Variants in RAB30 observed in about 807,000 individuals in gnomAD.
RAB30 encodes the protein RAB30, member RAS oncogene family, also known as ras-related protein Rab-30.
In RAB30, 9 loss-of-function variants were observed where a neutral mutation model predicts 25.1. The ratio of observed to expected loss-of-function variants is 0.36; its 90% CI spans 0.22 to 0.63. The LOEUF (loss-of-function observed/expected upper bound fraction) is 0.63, where lower values mean the gene tolerates loss of function less well. Among genes scored for constraint, RAB30 ranks in the 20% least tolerant of loss-of-function variants. The pLI, the probability that RAB30 is intolerant of heterozygous loss-of-function variation, is 0.69. For missense variants in RAB30, 140 were observed against 243.5 expected (o/e 0.58, Z 2.83); for synonymous variants, 77 against 86.4 (o/e 0.89, Z 0.60).
intron 1 of RAB30, among the ~76,000 whole-genome samples, chr11:83,062,346 C>T (rs565216220): frequency 1.3e-5 from 2 of 152,252 alleles, no homozygotes; most frequent in East Asian, 3.9e-4. Context: ...TTATTGAAGA[C>T]TCTCATTAAA....
In RAB30 at chr11:83,020,286, C is replaced by T. The variant is rs559566263; in HGVS notation, c.-8-22962G>A. Among the ~76,000 whole-genome samples, 6 of 152,378 alleles carry T rather than the reference C, an allele frequency of 3.9e-5. No homozygotes were observed. The South Asian group carries it at 1.2e-3, about 32-fold the overall frequency. On this transcript the variant is annotated intron_variant, in intron 1 of 4. Coordinates refer to ENST00000527633, the MANE Select transcript of RAB30 (RefSeq NM_001286060.2). Reference sequence around the variant, plus strand: ...AGAGGTGCCTGCTCCCACTGCCTGGCCTCTCCCCCACTCCTTATGCCTGCT... The same window carrying T: ...AGAGGTGCCTGCTCCCACTGCCTGGTCTCTCCCCCACTCCTTATGCCTGCT...
chr11:83,047,644 G>A (rs1335480664), intron 1 of RAB30, among the ~76,000 whole-genome samples: 1 of 152,112 alleles, frequency 6.6e-6, no homozygotes, highest in Non-Finnish European at 1.5e-5. Flanking sequence ...CTCGACTCTT[G>A]ACCACACATA....
At chr11:83,063,717 A>G (rs1038509346) in intron 1 of RAB30, among the ~76,000 whole-genome samples, 2 of 152,198 alleles carry the variant, frequency 1.3e-5, no homozygotes, top group African/African-American at 4.8e-5. Flanking sequence ...AGCCCTCTCA[A>G]CATTGCTGAC....
At chr11:83,037,820 G>T (rs986767081) in intron 1 of RAB30, among the ~76,000 whole-genome samples, 2 of 152,178 alleles carry the variant, frequency 1.3e-5, no homozygotes, top group Non-Finnish European at 2.9e-5. Flanking sequence ...TAAAGTGTTT[G>T]GGGGTTATGA....
chr11:83,017,420 G>A (rs11233418), intron 1 of RAB30, among the ~76,000 whole-genome samples: 41,071 of 151,942 alleles, frequency 0.27, 5,979 homozygotes, highest in Admixed American at 0.31. Flanking sequence ...GGGAACAGGT[G>A]GTTTTTTGTT....
At chr11:83,007,887 TA>T (rs548327955) in intron 1 of RAB30, among the ~76,000 whole-genome samples, 3,131 of 152,290 alleles carry the variant, frequency 0.021, 44 homozygotes, top group Non-Finnish European at 0.03. Context: ...TAAACTGCCC[TA>T]AAAAAGGCAC....
rs77678602 is a variant in RAB30 at position 83,065,754 on chromosome 11, G to A, written c.-9+5937C>T. Reference sequence around the variant, plus strand: ...AAATAATGTTAAAAACAGCTACCATGAGCACCAGCTATACCAAGCATAGTG... The same window carrying A: ...AAATAATGTTAAAAACAGCTACCATAAGCACCAGCTATACCAAGCATAGTG... On this transcript the variant is annotated intron_variant, in intron 1 of 4. Coordinates refer to ENST00000527633, the MANE Select transcript of RAB30 (RefSeq NM_001286060.2). Among the ~76,000 whole-genome samples, 757 of 152,284 alleles carry A rather than the reference G, an allele frequency of 5.0e-3. 2 individuals carry two copies. The highest frequency in any genetic ancestry group is 9.0e-3 in the Non-Finnish European group (612 of 68,026).
chr11:83,002,603 TAAGCA>T (rs1164745804), intron 1 of RAB30, among the ~76,000 whole-genome samples: 1 of 152,186 alleles, frequency 6.6e-6, no homozygotes, highest in Non-Finnish European at 1.5e-5. Context: ...AAAACCACTG[TAAGCA>T]ATGTGAATTT....
In RAB30 at chr11:82,981,629, C is replaced by G. The variant is rs1432262701; in HGVS notation, c.*536G>C. ...AAGGTTTCATTTCATTTTTACATCC[C>G]AAAGTTCTTGAAAGTGCCTGTGGAC... On this transcript the variant is annotated 3_prime_UTR_variant, in exon 5 of 5. Coordinates refer to ENST00000527633, the MANE Select transcript of RAB30 (RefSeq NM_001286060.2). 1 of 153,038 alleles carries G rather than the reference C, an allele frequency of 6.5e-6. No homozygotes were observed. Among genetic ancestry groups the G allele is most frequent in the African/African-American group, 2.4e-5 (1 of 41,414 alleles). 9.5% of individuals were successfully genotyped at this position (153,038 alleles called of 1,614,324 possible). A position where few individuals can be genotyped will look rare whatever the true frequency, so the allele number is the denominator to read the frequency against.
intron 1 of RAB30, among the ~76,000 whole-genome samples, chr11:83,016,706 T>C (rs1023788517): frequency 5.3e-5 from 8 of 152,188 alleles, no homozygotes; most frequent in African/African-American, 1.9e-4. Flanking sequence ...CCGTAATATA[T>C]ACAACAGCAT....
intron 1 of RAB30, 142 bp downstream of exon 1, chr11:83,071,548 GC>G (rs1858847994): frequency 7.2e-6 from 1 of 139,484 alleles, no homozygotes; most frequent in South Asian, 2.2e-4. Context: ...ATGGCACAGA[GC>G]TTTTCCCCTT....
chr11:82,983,609 T>A (rs1335807487), intron 4 of RAB30, among the ~76,000 whole-genome samples: 1 of 151,964 alleles, frequency 6.6e-6, no homozygotes, highest in Non-Finnish European at 1.5e-5. Flanking sequence ...TTTTTTTTTT[T>A]TATTTTTTGC....
chr11:83,059,673 A>G (rs758287145), intron 1 of RAB30, among the ~76,000 whole-genome samples: 25 of 152,210 alleles, frequency 1.6e-4, no homozygotes, highest in Admixed American at 9.2e-4. Context: ...ACCCTGGGAA[A>G]GTTACCTGTA....
At chr11:83,040,279 A>C (rs1858077875) in intron 1 of RAB30, among the ~76,000 whole-genome samples, 1 of 152,134 alleles carries the variant, frequency 6.6e-6, no homozygotes, top group Non-Finnish European at 1.5e-5. Context: ...CAGTACAGAG[A>C]GTGATCACAT....
chr11:83,037,207 T>C (rs1290676338), intron 1 of RAB30, among the ~76,000 whole-genome samples: 4 of 151,988 alleles, frequency 2.6e-5, no homozygotes, highest in Admixed American at 6.6e-5. Flanking sequence ...AATAAATAAA[T>C]AAAAACTTTG....
At position 83,045,089 on chromosome 11, in the gene RAB30, A is replaced by C. The variant is rs140761020; in HGVS notation, c.-9+26602T>G. Among the ~76,000 whole-genome samples, 63 of 152,376 alleles carry C rather than the reference A, an allele frequency of 4.1e-4. No homozygotes were observed. In the East Asian group the frequency reaches 0.012, roughly 29 times the overall value. On this transcript the variant is annotated intron_variant, in intron 1 of 4. Transcript: ENST00000527633. Reference sequence around the variant, plus strand: ...GCACATTAGCCTATCTCATGAAAGGACTAGCCGTCAGCAGACCTAGACATG... The same window carrying C: ...GCACATTAGCCTATCTCATGAAAGGCCTAGCCGTCAGCAGACCTAGACATG...
chr11:83,056,081 C>T (rs1376097339), intron 1 of RAB30, among the ~76,000 whole-genome samples: 2 of 152,164 alleles, frequency 1.3e-5, no homozygotes, highest in Admixed American at 6.5e-5. Context: ...GTATACAGTT[C>T]AATAACATGA....
intron 1 of RAB30, among the ~76,000 whole-genome samples, chr11:83,022,670 A>G (rs375471673): frequency 6.6e-6 from 1 of 152,176 alleles, no homozygotes; most frequent in East Asian, 1.9e-4. Flanking sequence ...AAAAAAAAGA[A>G]TAACTGACCA....
intron 1 of RAB30, among the ~76,000 whole-genome samples, chr11:83,036,448 A>G (rs1044044805): frequency 5.3e-5 from 8 of 152,134 alleles, no homozygotes; most frequent in African/African-American, 1.9e-4. Context: ...GATTACAGGC[A>G]TGAGCCACCA....
Sources: gnomAD v4.1 joint callset for allele counts (sites outside exome capture counted in the v4.1 genomes callset) on GRCh38, gnomAD v4.1.1 for gene constraint, MANE v1.5 for transcripts, NCBI Gene and HGNC (gene_info 2026-07-23, HGNC 2026-07-21) for gene names.